The following SLC44A5 variants were observed in gnomAD, a reference collection of about 807,000 sequenced individuals.
The protein encoded by SLC44A5 is choline transporter-like protein 5.
A neutral mutation model predicts 101.8 loss-of-function variants in SLC44A5; 57 were observed. That is an observed-to-expected ratio of 0.56 (90% CI 0.45 to 0.70). The LOEUF (loss-of-function observed/expected upper bound fraction) is 0.70, where lower values mean the gene tolerates loss of function less well. Among genes scored for constraint, SLC44A5 ranks in the 30% least tolerant of loss-of-function variants. SLC44A5 has a pLI of 0.00. For missense variants in SLC44A5, 737 were observed against 853.1 expected, an observed-to-expected ratio of 0.86 and a Z score of 1.70; for synonymous variants, 281 against 290.9, an observed-to-expected ratio of 0.97 and a Z score of 0.35.
chr1:75,227,580 T>C (rs530608878), intron 13 of SLC44A5, 146 bp downstream of exon 13: 391 of 524,830 alleles, frequency 7.5e-4, no homozygotes, highest in Non-Finnish European at 1.1e-3. Flanking sequence ...CCACTTACTG[T>C]AGTTAGAGGA....
chr1:75,318,461 G>A (rs1159647772), intron 4 of SLC44A5, among the ~76,000 whole-genome samples: 1 of 152,124 alleles, frequency 6.6e-6, no homozygotes, highest in Non-Finnish European at 1.5e-5. Context: ...ATAGATAAAA[G>A]TGAAATATTA....
At chr1:75,360,341 T>C (rs1468852977) in intron 3 of SLC44A5, among the ~76,000 whole-genome samples, 1 of 152,154 alleles carries the variant, frequency 6.6e-6, no homozygotes, top group East Asian at 1.9e-4. Flanking sequence ...GCTGAATATT[T>C]ATTTTATTTC....
intron 3 of SLC44A5, among the ~76,000 whole-genome samples, chr1:75,384,125 A>G (rs962807918): frequency 2.6e-5 from 4 of 152,036 alleles, no homozygotes; most frequent in Non-Finnish European, 5.9e-5. Context: ...AAGACCATCT[A>G]GACTAGGAAG....
intron 3 of SLC44A5, among the ~76,000 whole-genome samples, chr1:75,351,771 T>C (rs1365180597): frequency 6.8e-6 from 1 of 146,884 alleles, no homozygotes; most frequent in African/African-American, 2.6e-5. Context: ...TTCCAGTCTT[T>C]GAGATTCTAA....
chr1:75,694,833 A>G, the SLC44A5 span, among the ~76,000 whole-genome samples: 15 of 152,292 alleles, frequency 9.8e-5, no homozygotes, highest in African/African-American at 3.4e-4. Flanking sequence ...GGAAATTTTT[A>G]TCATTCTAAG....
chr1:75,524,124 G>C (rs376798001), intron 2 of SLC44A5, among the ~76,000 whole-genome samples: 5 of 152,198 alleles, frequency 3.3e-5, no homozygotes, highest in African/African-American at 1.2e-4. Flanking sequence ...CCTGGGAACA[G>C]ATCTCTTCTT....
intron 1 of SLC44A5, among the ~76,000 whole-genome samples, chr1:75,589,126 C>A (rs757677002): frequency 1.3e-5 from 2 of 152,136 alleles, no homozygotes; most frequent in Non-Finnish European, 2.9e-5. Flanking sequence ...TCAAACAATA[C>A]TCTAATTCTA....
At chr1:75,711,959 T>C in the SLC44A5 span, among the ~76,000 whole-genome samples, 1 of 152,344 alleles carries the variant, frequency 6.6e-6, no homozygotes, top group East Asian at 1.9e-4. Flanking sequence ...CCTCCAGGTA[T>C]AGTCCTCTCA....
At chr1:75,253,281 A>G (rs889281449) in intron 6 of SLC44A5, among the ~76,000 whole-genome samples, 1 of 152,214 alleles carries the variant, frequency 6.6e-6, no homozygotes, top group African/African-American at 2.4e-5. Context: ...GGCAGAGTCA[A>G]ACCTGAGCTT....
At chr1:75,274,867 C>A (rs1276020770) in intron 6 of SLC44A5, 91 bp downstream of exon 6, 1 of 1,015,216 alleles carries the variant, frequency 9.9e-7, no homozygotes, top group Non-Finnish European at 1.5e-6. Flanking sequence ...TTTAAATCTT[C>A]TTAAGAAGTC....
rs1473846869 is a variant in SLC44A5 at position 75,227,825 on chromosome 1, G to T, written c.886C>A (p.Leu296Ile). Reference sequence around the variant, plus strand: ...AATACAGAACTTGGGCGTTCCTGAAGATTGGTGTACTGCTGGTAACAGTGC... The same window carrying T: ...AATACAGAACTTGGGCGTTCCTGAATATTGGTGTACTGCTGGTAACAGTGC... ...IWHCYQQYTN[L>I]QERPSSVLTI... Residue 296 changes from leucine (L) to isoleucine (I), a missense_variant, in exon 13 of 24, where the codon CTT (leucine) becomes ATT (isoleucine). Physicochemically the swap from Leu to Ile is conservative, Grantham distance 5. This residue lies in a region of SLC44A5 where 665 missense variants were observed against 764.4 expected (regional missense o/e 0.87). Coordinates refer to ENST00000370859, the MANE Select transcript of SLC44A5 (RefSeq NM_001130058.2). The T allele has an allele frequency of 6.3e-7, 1 of 1,599,224 alleles. No individual in the cohort carries two copies. Among genetic ancestry groups the T allele is most frequent in the African/African-American group, 1.4e-5 (1 of 73,900 alleles).
intron 3 of SLC44A5, among the ~76,000 whole-genome samples, chr1:75,375,492 G>C (rs1660518777): frequency 6.6e-6 from 1 of 152,148 alleles, no homozygotes; most frequent in Non-Finnish European, 1.5e-5. Context: ...GAGAATCTTT[G>C]TGAGACATTA....
chr1:75,599,976 G>T (rs1415739645), intron 1 of SLC44A5, among the ~76,000 whole-genome samples: 1 of 152,160 alleles, frequency 6.6e-6, no homozygotes, highest in East Asian at 1.9e-4. Context: ...TGTCTTTCAG[G>T]AGTGTCATAA....
chr1:75,634,170 G>A, the SLC44A5 span, among the ~76,000 whole-genome samples: 1 of 152,132 alleles, frequency 6.6e-6, no homozygotes, highest in Non-Finnish European at 1.5e-5. Context: ...AAGGATATTG[G>A]TCTAAAATTC....
chr1:75,450,187 G>C (rs1256204605), intron 2 of SLC44A5, among the ~76,000 whole-genome samples: 1 of 152,118 alleles, frequency 6.6e-6, no homozygotes, highest in Non-Finnish European at 1.5e-5. Flanking sequence ...CAGTACTTGA[G>C]AGAGGCAGAG....
chr1:75,477,478 A>C (rs1362086985), intron 2 of SLC44A5, among the ~76,000 whole-genome samples: 1 of 152,196 alleles, frequency 6.6e-6, no homozygotes, highest in East Asian at 1.9e-4. Flanking sequence ...AATTCAAACC[A>C]AAGGCAAAGA....
intron 4 of SLC44A5, chr1:75,311,645 T>A (rs1655308298): frequency 1.2e-6 from 1 of 832,770 alleles, no homozygotes; most frequent in Non-Finnish European, 1.4e-6. Flanking sequence ...TGGCAGATGC[T>A]ATGAAACGTT....
chr1:75,213,930 G>A lies in SLC44A5; in HGVS notation c.1862C>T (p.Ala621Val), dbSNP rs148126856. 3.1e-6 allele frequency: 5 copies of A among 1,589,504 alleles called. No individual in the cohort carries two copies. The East Asian group carries it at 1.1e-4, about 36-fold the overall frequency. ...FVLFLGKLLV[A>V]GSIGVLAFLF... is the part of the protein sequence containing the mutation. Reference sequence around the variant, plus strand: ...TCATGATTACTTACCTATACTTCCAGCAACTAGAAGTTTCCCCAGGAATAA... The same window carrying A: ...TCATGATTACTTACCTATACTTCCAACAACTAGAAGTTTCCCCAGGAATAA... Residue 621 changes from alanine (A) to valine (V), a missense_variant, in exon 21 of 24, where the codon GCT becomes GTT. By Grantham distance (64) the Ala-to-Val change is moderately conservative. This residue lies in a region of SLC44A5 where 665 missense variants were observed against 764.4 expected (regional missense o/e 0.87). Transcript: ENST00000370859.
At chr1:75,597,904 T>C (rs211686) in intron 1 of SLC44A5, among the ~76,000 whole-genome samples, 145,638 of 152,278 alleles carry the variant, frequency 0.96, 69,677 homozygotes, top group East Asian at 0.97. Context: ...ATGAAGTTGT[T>C]AAAAGCAATT....
Sources: gnomAD v4.1 joint callset for allele counts (sites outside exome capture counted in the v4.1 genomes callset) on GRCh38, gnomAD v4.1.1 for gene constraint, gnomAD v4.1.1 regional missense constraint, MANE v1.5 for transcripts, NCBI Gene and HGNC (gene_info 2026-07-23, HGNC 2026-07-21) for gene names.